The following MND1 variants were observed in gnomAD, a reference collection of about 807,000 sequenced individuals.
The protein encoded by MND1 is meiotic nuclear division protein 1 homolog.
In MND1, 28 loss-of-function variants were observed where a neutral mutation model predicts 35.1. The ratio of observed to expected loss-of-function variants is 0.80; its 90% CI spans 0.59 to 1.09. The LOEUF (loss-of-function observed/expected upper bound fraction) is 1.09, where lower values mean the gene tolerates loss of function less well. Ranked by LOEUF, MND1 falls within the 50% of genes least tolerant of loss-of-function variation. The pLI is 0.00. For missense variants in MND1, 213 were observed against 239.6 expected (o/e 0.89, Z 0.73); for synonymous variants, 69 against 70.5 (o/e 0.98, Z 0.11).
chr4:153,380,379 C>T (rs1209465188), intron 4 of MND1, among the ~76,000 whole-genome samples: 1 of 152,148 alleles, frequency 6.6e-6, no homozygotes, highest in African/African-American at 2.4e-5. Flanking sequence ...ACCATGACAA[C>T]ACCAAAGCAG....
intron 4 of MND1, among the ~76,000 whole-genome samples, chr4:153,366,504 T>C (rs142086465): frequency 6.8e-4 from 104 of 152,346 alleles, no homozygotes; most frequent in African/African-American, 2.4e-3. Context: ...AGTGGAAATA[T>C]CAAGTAGACA....
intron 2 of MND1, 34 bp from the exon 3 acceptor site, chr4:153,355,620 G>C: frequency 7.4e-7 from 1 of 1,359,128 alleles, no homozygotes; most frequent in Non-Finnish European, 1.0e-6. Flanking sequence ...AAATAAACAC[G>C]TGCTTTTCAT....
At chr4:153,374,189 C>T (rs765007282) in intron 4 of MND1, among the ~76,000 whole-genome samples, 31 of 152,088 alleles carry the variant, frequency 2.0e-4, no homozygotes, top group Non-Finnish European at 4.1e-4. Context: ...ATATGGTGGC[C>T]GCAGATCAGC....
At chr4:153,366,453 G>A (rs2149638033) in intron 4 of MND1, among the ~76,000 whole-genome samples, 1 of 152,324 alleles carries the variant, frequency 6.6e-6, no homozygotes, top group East Asian at 1.9e-4. Context: ...CAGAAATTCA[G>A]CTTTGACCAT....
At chr4:153,357,005 T>G (rs1382476041) in intron 3 of MND1, among the ~76,000 whole-genome samples, 1 of 152,128 alleles carries the variant, frequency 6.6e-6, no homozygotes, top group Non-Finnish European at 1.5e-5. Context: ...GTATTTTTAG[T>G]AGAGATGGGG....
In MND1 at chr4:153,409,095, GC is replaced by G. The variant is rs1729608291; in HGVS notation, c.511+81del. 5.0e-6 allele frequency: 4 copies of G among 801,742 alleles called. No individual in the cohort carries two copies. In the East Asian group the frequency reaches 1.4e-4, roughly 28 times the overall value. 49.7% of individuals were successfully genotyped at this position (801,742 alleles called of 1,614,324 possible). A position where few individuals can be genotyped will look rare whatever the true frequency, so the allele number is the denominator to read the frequency against. On this transcript the variant is annotated intron_variant, in intron 7 of 7. Transcript: ENST00000240488. Reference sequence around the variant, plus strand: ...GCGACGTGAAATTCAGATACCTTGTGCTAGCTTTGTTCAAGAAAGGACGTTA... The same window carrying G: ...GCGACGTGAAATTCAGATACCTTGTGTAGCTTTGTTCAAGAAAGGACGTTA...
rs187597123 is a variant in MND1, at chr4:153,402,069, C to T, written c.466+4736C>T. 4.5e-3 allele frequency among the ~76,000 whole-genome samples: 682 copies of T among 152,218 alleles called. 2 individuals carry two copies. Among genetic ancestry groups the T allele is most frequent in the African/African-American group, 0.015 (640 of 41,512 alleles). On this transcript the variant is annotated intron_variant, in intron 6 of 7. Coordinates refer to ENST00000240488, the MANE Select transcript of MND1 (RefSeq NM_032117.4). ...ACTCTGGACGCTGAGGCAGGAGAAT[C>T]GCTTGAACTGGGGAGGCGAAGGCTG...
intron 4 of MND1, among the ~76,000 whole-genome samples, chr4:153,389,962 C>A (rs1044116615): frequency 6.6e-6 from 1 of 152,012 alleles, no homozygotes; most frequent in East Asian, 1.9e-4. Context: ...TTGGGCCCCA[C>A]CCCAGATGTG....
chr4:153,380,095 A>G (rs1014103426), intron 4 of MND1, among the ~76,000 whole-genome samples: 16 of 152,148 alleles, frequency 1.1e-4, no homozygotes, highest in Non-Finnish European at 2.4e-4. Flanking sequence ...ATCATTCAAA[A>G]CTAATTACTG....
intron 3 of MND1, 147 bp downstream of exon 3, chr4:153,355,858 A>G: frequency 1.7e-6 from 1 of 600,882 alleles, no homozygotes; most frequent in South Asian, 2.2e-5. Context: ...AATCATCACC[A>G]TCCAAAGATA....
chr4:153,408,957 T>C lies in MND1; in HGVS notation c.467-14T>C. On this transcript the variant is annotated splice_polypyrimidine_tract_variant and intron_variant, in intron 6 of 7. Transcript: ENST00000240488. ...ATAAATACATTTCATTTTATATATA[T>C]AATTTTTTTTCAGGCCAAGCAAATA... 8.5e-7 allele frequency: 1 copy of C among 1,171,102 alleles called. No individual in the cohort carries two copies. The highest frequency in any genetic ancestry group is 1.1e-6 in the Non-Finnish European group (1 of 904,008). The allele number at this position is 1,171,102 out of a possible 1,614,324, so 72.5% of individuals were successfully genotyped here. A position where few individuals can be genotyped will look rare whatever the true frequency, so the allele number is the denominator to read the frequency against.
chr4:153,399,379 T>G (rs912391502), intron 6 of MND1, among the ~76,000 whole-genome samples: 12 of 152,154 alleles, frequency 7.9e-5, no homozygotes, highest in African/African-American at 2.4e-4. Context: ...TTTGATATAT[T>G]CTGCCCACTC....
At chr4:153,389,155 G>T (rs189886999) in intron 4 of MND1, among the ~76,000 whole-genome samples, 1 of 152,182 alleles carries the variant, frequency 6.6e-6, no homozygotes, top group African/African-American at 2.4e-5. Context: ...ATGGGAAGAC[G>T]GGTTCTCAAT....
At chr4:153,360,403 G>A (rs999198654) in intron 4 of MND1, among the ~76,000 whole-genome samples, 1 of 151,960 alleles carries the variant, frequency 6.6e-6, no homozygotes, top group Non-Finnish European at 1.5e-5. Context: ...AAATCCAGGG[G>A]CATGTAGATT....
At chr4:153,404,174 C>CTTTTT (rs71598277) in intron 6 of MND1, among the ~76,000 whole-genome samples, 3 of 73,778 alleles carry the variant, frequency 4.1e-5, no homozygotes, top group Admixed American at 1.4e-4. Flanking sequence ...AAAATTGGTT[C>CTTTTT]TTTTTTTTTT....
At chr4:153,358,649 G>C in intron 4 of MND1, 27 bp downstream of exon 4, 2 of 1,600,260 alleles carry the variant, frequency 1.2e-6, no homozygotes, top group East Asian at 4.5e-5. Context: ...AAAAAGAATA[G>C]AGTTGCTTTA....
chr4:153,408,528 A>T (rs1346208070), intron 6 of MND1, among the ~76,000 whole-genome samples: 1 of 152,078 alleles, frequency 6.6e-6, no homozygotes, highest in Non-Finnish European at 1.5e-5. Flanking sequence ...TTATCCCTAA[A>T]ATTTTTTTTA....
chr4:153,349,336 C>T (rs1773156005), intron 1 of MND1, among the ~76,000 whole-genome samples: 1 of 152,126 alleles, frequency 6.6e-6, no homozygotes, highest in African/African-American at 2.4e-5. Context: ...TTCTCTTCCA[C>T]ATTGCTGCTA....
At chr4:153,406,503 C>A (rs894264397) in intron 6 of MND1, among the ~76,000 whole-genome samples, 5 of 152,022 alleles carry the variant, frequency 3.3e-5, no homozygotes, top group Non-Finnish European at 5.9e-5. Flanking sequence ...GCCTGGGTGA[C>A]AGAGACTCCA....
Sources: gnomAD v4.1 joint callset for allele counts (sites outside exome capture counted in the v4.1 genomes callset) on GRCh38, gnomAD v4.1.1 for gene constraint, MANE v1.5 for transcripts, NCBI Gene and HGNC (gene_info 2026-07-23, HGNC 2026-07-21) for gene names.